The following ARHGAP12 variants were observed in gnomAD, a reference collection of about 807,000 sequenced individuals.
ARHGAP12 encodes the protein rho GTPase-activating protein 12.
ARHGAP12 carries 64 observed loss-of-function variants against 108.6 expected under a neutral mutation model. That is an observed-to-expected ratio of 0.59 (90% confidence interval 0.48 to 0.73). The LOEUF (loss-of-function observed/expected upper bound fraction) is 0.73, where lower values mean the gene tolerates loss of function less well. Among genes scored for constraint, ARHGAP12 ranks in the 30% least tolerant of loss-of-function variants. The probability of loss-of-function intolerance (pLI) is 0.00; values close to 1 mark genes in which losing one functional copy is unlikely to be tolerated. For synonymous variants in ARHGAP12, 312 were observed against 337.2 expected (o/e 0.93, Z 0.82); for missense variants, 940 against 1,005.9 (o/e 0.93, Z 0.89).
chr10:31,928,026 G>A (rs984113349), intron 1 of ARHGAP12, among the ~76,000 whole-genome samples: 5 of 152,230 alleles, frequency 3.3e-5, no homozygotes, highest in African/African-American at 1.2e-4. Flanking sequence ...CCGCAAAGAA[G>A]AAAGTGTCCG....
chr10:31,841,264 T>C (rs952706423), intron 7 of ARHGAP12, among the ~76,000 whole-genome samples: 2 of 152,050 alleles, frequency 1.3e-5, no homozygotes, highest in African/African-American at 4.8e-5. Context: ...ACAGATGCAT[T>C]CACACATACA....
chr10:31,819,632 T>C (rs1164723034), intron 12 of ARHGAP12, among the ~76,000 whole-genome samples: 1 of 152,164 alleles, frequency 6.6e-6, no homozygotes, highest in Non-Finnish European at 1.5e-5. Context: ...AGGCCGTCAC[T>C]TGATGCAGCC....
At chr10:31,879,756 T>C (rs1837866293) in intron 3 of ARHGAP12, among the ~76,000 whole-genome samples, 1 of 152,186 alleles carries the variant, frequency 6.6e-6, no homozygotes. Flanking sequence ...AAGCTGGCAA[T>C]TTTTAAATCA....
At chr10:31,928,195 CACACCCG>C (rs1564442686) in intron 1 of ARHGAP12, among the ~76,000 whole-genome samples, 1 of 152,020 alleles carries the variant, frequency 6.6e-6, no homozygotes, top group South Asian at 2.1e-4. Flanking sequence ...CACACACACA[CACACCCG>C]CCTTTTGCAG....
At chr10:31,926,608 G>A (rs1453224909) in intron 1 of ARHGAP12, among the ~76,000 whole-genome samples, 1 of 152,100 alleles carries the variant, frequency 6.6e-6, no homozygotes, top group Non-Finnish European at 1.5e-5. Context: ...CTGTTTAATG[G>A]TTAAACAGAT....
At chr10:31,816,300 G>C (rs1429081716) in intron 13 of ARHGAP12, among the ~76,000 whole-genome samples, 1 of 151,528 alleles carries the variant, frequency 6.6e-6, no homozygotes, top group African/African-American at 2.4e-5. Flanking sequence ...TTTTCTGCAA[G>C]GCCTTCCCTA....
intron 1 of ARHGAP12, among the ~76,000 whole-genome samples, chr10:31,919,074 A>G (rs548826685): frequency 5.1e-4 from 78 of 152,364 alleles, no homozygotes; most frequent in African/African-American, 1.9e-3. Context: ...TGACAGTACA[A>G]TGTGAATGAA....
intron 10 of ARHGAP12, among the ~76,000 whole-genome samples, chr10:31,829,295 A>G (rs1376171720): frequency 6.6e-6 from 1 of 152,202 alleles, no homozygotes; most frequent in African/African-American, 2.4e-5. Context: ...GGTAGTCAAA[A>G]TCACAGAAAC....
At chr10:31,881,680 G>T (rs1310604595) in intron 3 of ARHGAP12, among the ~76,000 whole-genome samples, 1 of 152,102 alleles carries the variant, frequency 6.6e-6, no homozygotes, top group African/African-American at 2.4e-5. Flanking sequence ...TCAAAACCAG[G>T]AAGGTCTATT....
intron 1 of ARHGAP12, among the ~76,000 whole-genome samples, chr10:31,918,203 A>G (rs1839640483): frequency 1.3e-5 from 2 of 151,974 alleles, no homozygotes; most frequent in South Asian, 4.1e-4. Context: ...AACATTTTTG[A>G]CTTATGATCA....
At chr10:31,830,211 T>G (rs950116994) in intron 10 of ARHGAP12, among the ~76,000 whole-genome samples, 2 of 152,110 alleles carry the variant, frequency 1.3e-5, no homozygotes, top group Non-Finnish European at 2.9e-5. Flanking sequence ...CTTTAGAATA[T>G]TCAGTAATTT....
At chr10:31,857,219 A>G (rs545791296) in intron 4 of ARHGAP12, among the ~76,000 whole-genome samples, 1 of 152,234 alleles carries the variant, frequency 6.6e-6, no homozygotes, top group Non-Finnish European at 1.5e-5. Flanking sequence ...ATCTAGATGA[A>G]TGATACATGG....
chr10:31,911,717 T>C (rs1839356751), intron 1 of ARHGAP12, among the ~76,000 whole-genome samples: 1 of 152,224 alleles, frequency 6.6e-6, no homozygotes. Flanking sequence ...CCTGACAAGA[T>C]ATGCCTCCTA....
rs554872756 is a variant in ARHGAP12, at chr10:31,875,787, G to C, written c.685-14129C>G. 4.9e-4 allele frequency among the ~76,000 whole-genome samples: 75 copies of C among 152,190 alleles called. 1 individual carries two copies. Among genetic ancestry groups the C allele is most frequent in the Middle Eastern group, 3.4e-3 (1 of 294 alleles). On this transcript the variant is annotated intron_variant, in intron 3 of 19. Coordinates refer to ENST00000344936, the MANE Select transcript of ARHGAP12 (RefSeq NM_018287.7). ...CAACCATCACCACCATCCATCTCCA[G>C]AACTTCTTTCATCTTGCAAAACTGA...
chr10:31,810,767 A>G lies in ARHGAP12; in HGVS notation c.1952-20T>C, dbSNP rs1834986140. 2 of 1,570,972 alleles carry G rather than the reference A, an allele frequency of 1.3e-6. No individual in the cohort carries two copies. The highest frequency in any genetic ancestry group is 1.7e-6 in the Non-Finnish European group (2 of 1,146,664). On this transcript the variant is annotated intron_variant, in intron 15 of 19. Coordinates refer to ENST00000344936, the MANE Select transcript of ARHGAP12 (RefSeq NM_018287.7). ...CCTGATCTGAAAAAGATTTATTTTT[A>G]AAAAGTCAATCACCTTGCTGAAATT...
Position 31,809,189 on chromosome 10 carries a change from T to C in ARHGAP12, c.2128+41A>G, listed in dbSNP as rs376707593. ...TACTTTAAGCCAGTTCAAAAAGTTA[T>C]GAGTGATGCATCTGAATAACAACAG... is the stretch of plus-strand genomic sequence containing the variant. On this transcript the variant is annotated intron_variant, in intron 17 of 19. Transcript: ENST00000344936. The C allele has an allele frequency of 5.0e-6, 8 of 1,613,180 alleles. No individual in the cohort carries two copies. In the African/African-American group the frequency reaches 9.3e-5, roughly 19 times the overall value.
intron 1 of ARHGAP12, among the ~76,000 whole-genome samples, chr10:31,915,386 C>CA (rs1387712452): frequency 0.21 from 20,425 of 98,650 alleles, 1,912 homozygotes; most frequent in African/African-American, 0.33. Context: ...AACTCTGTCT[C>CA]AAAAAAAAAA....
intron 15 of ARHGAP12, among the ~76,000 whole-genome samples, chr10:31,811,347 C>T (rs1592240327): frequency 6.6e-6 from 1 of 152,270 alleles, no homozygotes; most frequent in South Asian, 2.1e-4. Flanking sequence ...TTTGATTTCA[C>T]AAAATACATT....
intron 4 of ARHGAP12, among the ~76,000 whole-genome samples, chr10:31,861,113 A>C (rs1837096509): frequency 6.6e-6 from 1 of 152,216 alleles, no homozygotes; most frequent in Admixed American, 6.5e-5. Flanking sequence ...TAACAACTGA[A>C]ATAGTATGTT....
Sources: allele counts gnomAD v4.1 joint callset (sites outside exome capture counted in the v4.1 genomes callset), GRCh38; gene constraint gnomAD v4.1.1; transcripts MANE v1.5; gene names NCBI Gene and HGNC (gene_info 2026-07-23, HGNC 2026-07-21).